Variants in CCSER1 observed in about 807,000 individuals in gnomAD.
CCSER1 encodes the protein serine-rich coiled-coil domain-containing protein 1.
A neutral mutation model predicts 82.0 loss-of-function variants in CCSER1; 41 were observed. The observed-to-expected ratio is 0.50, with a 90% confidence interval of 0.39 to 0.65. The LOEUF is 0.65. CCSER1 is among the 30% of genes least tolerant of loss of function. The probability of loss-of-function intolerance (pLI) is 0.00; values close to 1 mark genes in which losing one functional copy is unlikely to be tolerated. For synonymous variants in CCSER1, 414 were observed against 383.9 expected, an observed-to-expected ratio of 1.08 and a Z score of -0.92; for missense variants, 1,119 against 1,064.2, an observed-to-expected ratio of 1.05 and a Z score of -0.72.
At chr4:90,988,334 C>CA (rs60408059) in intron 9 of CCSER1, among the ~76,000 whole-genome samples, 813 of 75,324 alleles carry the variant, frequency 0.011, 32 homozygotes, top group African/African-American at 0.042. Flanking sequence ...TATCTTGTCT[C>CA]AAAAAAAAAA....
At chr4:90,260,136 C>T (rs917374737) in intron 1 of CCSER1, among the ~76,000 whole-genome samples, 1 of 152,168 alleles carries the variant, frequency 6.6e-6, no homozygotes, top group Non-Finnish European at 1.5e-5. Context: ...TTGATTCAGT[C>T]TCACCACTTG....
At chr4:90,750,585 CA>C (rs1470421020) in intron 7 of CCSER1, among the ~76,000 whole-genome samples, 1 of 152,086 alleles carries the variant, frequency 6.6e-6, no homozygotes, top group Non-Finnish European at 1.5e-5. Flanking sequence ...TCAAAGTGCT[CA>C]AATTTTACAG....
intron 5 of CCSER1, among the ~76,000 whole-genome samples, chr4:90,578,620 T>A (rs1781041548): frequency 6.6e-6 from 1 of 152,164 alleles, no homozygotes; most frequent in Non-Finnish European, 1.5e-5. Flanking sequence ...TCCAGAATAT[T>A]CTCCCATCTC....
At chr4:90,135,665 A>G (rs1224819966) in intron 1 of CCSER1, among the ~76,000 whole-genome samples, 1 of 152,204 alleles carries the variant, frequency 6.6e-6, no homozygotes, top group Non-Finnish European at 1.5e-5. Context: ...GTGCAGTTGT[A>G]GTACCAGTTT....
intron 5 of CCSER1, among the ~76,000 whole-genome samples, chr4:90,539,572 A>C (rs1398872599): frequency 6.6e-6 from 1 of 152,068 alleles, no homozygotes; most frequent in Non-Finnish European, 1.5e-5. Context: ...ACAGACTCTA[A>C]TTGGGTAGGG....
At chr4:91,333,553 G>A (rs1747104281) in intron 10 of CCSER1, among the ~76,000 whole-genome samples, 1 of 151,856 alleles carries the variant, frequency 6.6e-6, no homozygotes, top group African/African-American at 2.4e-5. Context: ...CTGCATATTG[G>A]GTTGCACCTC....
At chr4:91,289,538 A>G (rs1743588346) in intron 10 of CCSER1, among the ~76,000 whole-genome samples, 1 of 152,088 alleles carries the variant, frequency 6.6e-6, no homozygotes, top group Non-Finnish European at 1.5e-5. Context: ...TGGAAATTCA[A>G]TTCATTAAAA....
intron 1 of CCSER1, among the ~76,000 whole-genome samples, chr4:90,293,474 C>A (rs979716802): frequency 6.6e-6 from 1 of 150,916 alleles, no homozygotes; most frequent in Non-Finnish European, 1.5e-5. Flanking sequence ...TAATTAAATG[C>A]CCAATAAGAG....
chr4:90,130,071 TAAAAC>T (rs1722554462), intron 1 of CCSER1, among the ~76,000 whole-genome samples: 1 of 152,334 alleles, frequency 6.6e-6, no homozygotes, highest in Admixed American at 6.5e-5. Context: ...TTAATTTAGA[TAAAAC>T]AAAGTAGAAA....
At chr4:90,483,706 T>G in intron 5 of CCSER1, among the ~76,000 whole-genome samples, 1 of 152,232 alleles carries the variant, frequency 6.6e-6, no homozygotes, top group Non-Finnish European at 1.5e-5. Flanking sequence ...TGGCCCCCAC[T>G]CTCTTCTGGC....
chr4:90,228,062 G>T (rs551484099), intron 1 of CCSER1, among the ~76,000 whole-genome samples: 12 of 152,334 alleles, frequency 7.9e-5, no homozygotes, highest in South Asian at 2.1e-4. Flanking sequence ...GCCCGCCATT[G>T]CCCAGGCTTG....
rs1443917295 is a variant in CCSER1, at chr4:90,532,392, CCT to C, written c.1724+64045_1724+64046del. ...TTTGGCTTCTGTGATTCCATATTTT[CCT>C]CTCTCTTCTGCTTGTTCCGATGATT... On this transcript the variant is annotated intron_variant, in intron 5 of 10. Coordinates refer to ENST00000509176, the MANE Select transcript of CCSER1 (RefSeq NM_001145065.2). 2.6e-5 allele frequency among the ~76,000 whole-genome samples: 4 copies of C among 151,950 alleles called. No homozygotes were observed. The East Asian group carries it at 7.8e-4, about 29-fold the overall frequency.
chr4:90,787,817 G>A (rs1009490346), intron 7 of CCSER1, among the ~76,000 whole-genome samples: 25 of 152,180 alleles, frequency 1.6e-4, no homozygotes, highest in African/African-American at 5.5e-4. Flanking sequence ...GCATTGTCTA[G>A]ATATTTTGAC....
chr4:90,347,407 T>C (rs1742569120), intron 3 of CCSER1, among the ~76,000 whole-genome samples: 1 of 152,218 alleles, frequency 6.6e-6, no homozygotes, highest in African/African-American at 2.4e-5. Flanking sequence ...AGGGACTATC[T>C]CTTGGATTAC....
At chr4:91,004,975 A>G (rs1285056683) in intron 9 of CCSER1, among the ~76,000 whole-genome samples, 1 of 152,194 alleles carries the variant, frequency 6.6e-6, no homozygotes, top group Non-Finnish European at 1.5e-5. Context: ...GTGGGAGCTT[A>G]GCAACTATAA....
chr4:91,154,880 C>G (rs997660380), intron 10 of CCSER1, among the ~76,000 whole-genome samples: 2 of 151,882 alleles, frequency 1.3e-5, no homozygotes, highest in East Asian at 3.9e-4. Context: ...TTAAGGCAAT[C>G]TCCCATTTAC....
intron 10 of CCSER1, among the ~76,000 whole-genome samples, chr4:91,140,518 A>C (rs568269688): frequency 6.6e-6 from 1 of 152,108 alleles, no homozygotes; most frequent in African/African-American, 2.4e-5. Context: ...CTGAGTCTAT[A>C]AAAAGTATAA....
intron 10 of CCSER1, among the ~76,000 whole-genome samples, chr4:91,393,726 ATT>A (rs1402919593): frequency 6.6e-6 from 1 of 151,444 alleles, no homozygotes; most frequent in Non-Finnish European, 1.5e-5. Context: ...TCAATATTTT[ATT>A]GTTTGGTTTG....
chr4:90,716,228 GA>G (rs1405557407), intron 6 of CCSER1, among the ~76,000 whole-genome samples: 2 of 151,766 alleles, frequency 1.3e-5, no homozygotes, highest in Non-Finnish European at 2.9e-5. Context: ...ATTATTTCTG[GA>G]AAAATATGTT....
Sources: gnomAD v4.1 joint callset for allele counts (sites outside exome capture counted in the v4.1 genomes callset) on GRCh38, gnomAD v4.1.1 for gene constraint, MANE v1.5 for transcripts, NCBI Gene and HGNC (gene_info 2026-07-23, HGNC 2026-07-21) for gene names.